The following CUL5 variants were observed in gnomAD, a reference collection of about 807,000 sequenced individuals.
The protein encoded by CUL5 is cullin-5.
CUL5 carries 26 observed loss-of-function variants against 108.8 expected under a neutral mutation model. The ratio of observed to expected loss-of-function variants is 0.24; its 90% CI spans 0.18 to 0.33. The LOEUF is 0.33. Among genes scored for constraint, CUL5 ranks in the 10% least tolerant of loss-of-function variants. CUL5 has a pLI of 1.00. For synonymous variants in CUL5, 334 were observed against 298.0 expected, an observed-to-expected ratio of 1.12 and a Z score of -1.25; for missense variants, 524 against 909.2, an observed-to-expected ratio of 0.58 and a Z score of 5.45.
At position 108,046,282 on chromosome 11, in the gene CUL5, A is replaced by G. The variant is rs374287424; in HGVS notation, c.147A>G (p.Ala49=). ...TTTATATTCACAGGGATGTGCATGC[A>G]GTCTGTCTTTGGGATGATAAAGGCC... ...QWFDLFSDVH[A]VCLWDDKGPA... The change falls in exon 3 of 19, where the codon GCA becomes GCG. Residue 49 remains alanine (A), a synonymous_variant. Transcript: ENST00000393094. 1.1e-5 allele frequency: 17 copies of G among 1,609,020 alleles called. No homozygotes were observed. The African/African-American group carries it at 2.1e-4, about 20-fold the overall frequency.
At chr11:108,050,181 C>T (rs1863176238) in intron 4 of CUL5, 115 bp downstream of exon 4, 1 of 718,294 alleles carries the variant, frequency 1.4e-6, no homozygotes, top group Non-Finnish European at 2.3e-6. Context: ...ATGTCAATTG[C>T]TTTTCAGCTC....
chr11:108,099,620 C>T (rs533732326), intron 18 of CUL5, among the ~76,000 whole-genome samples: 1 of 152,238 alleles, frequency 6.6e-6, no homozygotes, highest in East Asian at 1.9e-4. Flanking sequence ...TGGAATGTAT[C>T]TTTCAAAGTA....
rs200991204 is a variant in CUL5, at chr11:108,048,648, C to CTT, written c.235-1207_235-1206dup. Among the ~76,000 whole-genome samples, 126 of 116,836 alleles carry CTT rather than the reference C, an allele frequency of 1.1e-3. 9 individuals are homozygous for CTT. The highest frequency in any genetic ancestry group is 4.3e-3 in the African/African-American group (110 of 25,828). The allele number at this position is 116,836 out of a possible 152,430, so 76.6% of individuals were successfully genotyped here. ...ATAGTGGGGAAATAGACTCCACCAC[C>CTT]TTTTTTTTTTTTTTTTTTTTTTTTT... On this transcript the variant is annotated intron_variant, in intron 3 of 18. Coordinates refer to ENST00000393094, the MANE Select transcript of CUL5 (RefSeq NM_003478.6).
rs141041139 is a variant in CUL5 at position 108,107,066 on chromosome 11, GAAT to G, written c.*2684_*2686del. 378 of 150,792 alleles carry G rather than the reference GAAT, an allele frequency of 2.5e-3. 2 individuals are homozygous for G. The highest frequency in any genetic ancestry group is 8.5e-3 in the African/African-American group (350 of 41,036). 9.3% of individuals were successfully genotyped at this position (150,792 alleles called of 1,614,324 possible). A position where few individuals can be genotyped will look rare whatever the true frequency, so the allele number is the denominator to read the frequency against. On this transcript the variant is annotated 3_prime_UTR_variant, in exon 19 of 19. Transcript: ENST00000393094. Reference sequence around the variant, plus strand: ...GATGGTCACAATGAGATAAATATTAGAATATTACTATTCCAATGATTAAATGAG... The same window carrying G: ...GATGGTCACAATGAGATAAATATTAGATTACTATTCCAATGATTAAATGAG...
At chr11:108,062,508 A>T (rs1467013265) in intron 7 of CUL5, among the ~76,000 whole-genome samples, 1 of 149,048 alleles carries the variant, frequency 6.7e-6, no homozygotes, top group Non-Finnish European at 1.5e-5. Context: ...AATGAATATT[A>T]ATAATTGTAA....
intron 15 of CUL5, 38 bp downstream of exon 15, chr11:108,095,025 T>C: frequency 6.5e-7 from 1 of 1,546,578 alleles, no homozygotes; most frequent in Non-Finnish European, 8.8e-7. Flanking sequence ...AGCTTTCAGT[T>C]TGGATGAAAG....
chr11:108,102,361 C>G (rs1174877291), intron 18 of CUL5, among the ~76,000 whole-genome samples: 2 of 152,096 alleles, frequency 1.3e-5, no homozygotes, highest in African/African-American at 4.8e-5. Flanking sequence ...GGGTCTCACT[C>G]TGTCACCCAG....
At chr11:108,096,817 C>T (rs932342767) in intron 16 of CUL5, among the ~76,000 whole-genome samples, 6 of 151,948 alleles carry the variant, frequency 3.9e-5, no homozygotes, top group African/African-American at 9.7e-5. Flanking sequence ...TTGCCCGCCT[C>T]GGCCTCCCAA....
intron 1 of CUL5, among the ~76,000 whole-genome samples, chr11:108,012,862 G>A (rs1862088457): frequency 6.6e-6 from 1 of 152,172 alleles, no homozygotes; most frequent in Non-Finnish European, 1.5e-5. Context: ...CACCCAAAGT[G>A]TTGGGATTAC....
chr11:108,052,077 C>G (rs1456838325), intron 4 of CUL5, among the ~76,000 whole-genome samples: 3 of 152,040 alleles, frequency 2.0e-5, no homozygotes, highest in Non-Finnish European at 4.4e-5. Context: ...GTGATCCTCC[C>G]ACCTCAGCCT....
At chr11:108,060,331 T>C (rs1431391325) in intron 7 of CUL5, among the ~76,000 whole-genome samples, 1 of 152,186 alleles carries the variant, frequency 6.6e-6, no homozygotes, top group Non-Finnish European at 1.5e-5. Flanking sequence ...ATTACAGATA[T>C]CCTTGTATGG....
At chr11:108,034,053 C>A in intron 2 of CUL5, 142 bp downstream of exon 2, 1 of 594,632 alleles carries the variant, frequency 1.7e-6, no homozygotes, top group Non-Finnish European at 3.0e-6. Context: ...TCTCCAAGAC[C>A]TCTCCCAGGT....
In CUL5 at chr11:108,019,931, G is replaced by A. The variant is rs539176035; in HGVS notation, c.24+10559G>A. Among the ~76,000 whole-genome samples, 388 of 152,102 alleles carry A rather than the reference G, an allele frequency of 2.6e-3. 3 individuals are homozygous for A. The highest frequency in any genetic ancestry group is 8.6e-3 in the African/African-American group (357 of 41,514). ...GATCCTGTGTGTGTAGAGATCACACGGCAAGAAAGGAAGCAAGAGAGTGGG... is the reference window on the plus strand; with the variant it reads ...GATCCTGTGTGTGTAGAGATCACACAGCAAGAAAGGAAGCAAGAGAGTGGG... On this transcript the variant is annotated intron_variant, in intron 1 of 18. Transcript: ENST00000393094.
At chr11:108,045,875 A>G (rs1199228335) in intron 2 of CUL5, among the ~76,000 whole-genome samples, 1 of 152,164 alleles carries the variant, frequency 6.6e-6, no homozygotes, top group Non-Finnish European at 1.5e-5. Flanking sequence ...AATAAAAATA[A>G]AAAAATTTTT....
chr11:108,070,359 C>T (rs1426276717), intron 8 of CUL5, among the ~76,000 whole-genome samples, 170 bp downstream of exon 8: 1 of 152,114 alleles, frequency 6.6e-6, no homozygotes, highest in Non-Finnish European at 1.5e-5. Flanking sequence ...AGAGGCACTG[C>T]TAAGAGTATA....
intron 7 of CUL5, among the ~76,000 whole-genome samples, chr11:108,058,480 C>T (rs2135149097): frequency 6.6e-6 from 1 of 151,406 alleles, no homozygotes; most frequent in East Asian, 2.0e-4. Flanking sequence ...GATCTCCTGA[C>T]TTCGTGATCT....
intron 18 of CUL5, among the ~76,000 whole-genome samples, chr11:108,099,005 C>CTT (rs4027717): frequency 0.35 from 47,120 of 133,072 alleles, 10,366 homozygotes; most frequent in Middle Eastern, 0.52. Context: ...GGCCAGTGTA[C>CTT]TTTTTTTTTT....
intron 1 of CUL5, among the ~76,000 whole-genome samples, chr11:108,014,240 G>A (rs1025376828): frequency 6.6e-6 from 1 of 152,126 alleles, no homozygotes; most frequent in Non-Finnish European, 1.5e-5. Flanking sequence ...TTGGTAATTA[G>A]GAGAAAATTT....
At chr11:108,101,191 C>T (rs1226536217) in intron 18 of CUL5, among the ~76,000 whole-genome samples, 1 of 152,222 alleles carries the variant, frequency 6.6e-6, no homozygotes, top group Non-Finnish European at 1.5e-5. Flanking sequence ...CCTGATCCTA[C>T]TCCATTCATC....
Sources: allele counts gnomAD v4.1 joint callset (sites outside exome capture counted in the v4.1 genomes callset), GRCh38; gene constraint gnomAD v4.1.1; transcripts MANE v1.5; gene names NCBI Gene and HGNC (gene_info 2026-07-23, HGNC 2026-07-21).